PTPRT: variants seen among roughly 807,000 people sequenced by gnomAD.
PTPRT encodes receptor-type tyrosine-protein phosphatase T.
In PTPRT, 56 loss-of-function variants were observed where a neutral mutation model predicts 176.8. That is an observed-to-expected ratio of 0.32 (90% CI 0.26 to 0.40). The LOEUF (loss-of-function observed/expected upper bound fraction) is 0.40. PTPRT is among the 10% of genes least tolerant of loss of function. The pLI is 1.00. For missense variants in PTPRT, 1,540 were observed against 1,908.2 expected, an observed-to-expected ratio of 0.81 and a Z score of 3.60; for synonymous variants, 783 against 739.0, an observed-to-expected ratio of 1.06 and a Z score of -0.96.
chr20:42,806,083 A>AC (rs1381134121), intron 2 of PTPRT, among the ~76,000 whole-genome samples: 3 of 150,546 alleles, frequency 2.0e-5, no homozygotes, highest in Non-Finnish European at 4.4e-5. Context: ...CTGGAGCCAC[A>AC]CCCCTGCAGT....
At chr20:43,042,452 C>T (rs1365290377) in intron 1 of PTPRT, among the ~76,000 whole-genome samples, 2 of 152,088 alleles carry the variant, frequency 1.3e-5, no homozygotes, top group Non-Finnish European at 2.9e-5. Context: ...AAATGGGCTC[C>T]TGGGGATAGC....
intron 7 of PTPRT, among the ~76,000 whole-genome samples, chr20:42,507,019 C>T (rs970457485): frequency 6.6e-6 from 1 of 152,116 alleles, no homozygotes; most frequent in African/African-American, 2.4e-5. Context: ...CAAATCTCAG[C>T]TCCCAGGTCC....
chr20:42,090,622 A>G (rs1028238819), intron 27 of PTPRT, among the ~76,000 whole-genome samples: 1 of 152,204 alleles, frequency 6.6e-6, no homozygotes, highest in Non-Finnish European at 1.5e-5. Flanking sequence ...TCACATAGAC[A>G]TGGAACAGAG....
At chr20:42,999,583 C>A (rs866700444) in intron 1 of PTPRT, among the ~76,000 whole-genome samples, 1 of 149,834 alleles carries the variant, frequency 6.7e-6, no homozygotes, top group Non-Finnish European at 1.5e-5. Flanking sequence ...TGGTGAGACC[C>A]AGTCTCTAAA....
At chr20:42,806,714 C>CTG (rs2077615163) in intron 2 of PTPRT, among the ~76,000 whole-genome samples, 1 of 152,108 alleles carries the variant, frequency 6.6e-6, no homozygotes, top group South Asian at 2.1e-4. Flanking sequence ...ATGGATGAGG[C>CTG]TGTGTTCCAA....
intron 2 of PTPRT, among the ~76,000 whole-genome samples, chr20:42,841,595 G>A (rs1274967510): frequency 7.1e-6 from 1 of 140,866 alleles, no homozygotes; most frequent in Non-Finnish European, 1.5e-5. Context: ...ACAGCCAAAT[G>A]AATTTAGTGT....
At chr20:42,741,505 C>T (rs142963073) in intron 6 of PTPRT, among the ~76,000 whole-genome samples, 2,350 of 152,156 alleles carry the variant, frequency 0.015, 29 homozygotes, top group South Asian at 0.023. Flanking sequence ...CCACCACACC[C>T]GGCTAATTTC....
In PTPRT at chr20:42,496,066, G is replaced by A. The variant is rs1342318955; in HGVS notation, c.1154-23504C>T. ...TAAGCTAGAGAAAAAAATATTATTA[G>A]GGAAATCATAAAGAGGAGAAAATCT... On this transcript the variant is annotated intron_variant, in intron 7 of 30. Coordinates refer to ENST00000373187, the MANE Select transcript of PTPRT (RefSeq NM_007050.6). Among the ~76,000 whole-genome samples, 3 of 152,180 alleles carry A rather than the reference G, an allele frequency of 2.0e-5. No homozygotes were observed. The East Asian group carries it at 5.8e-4, about 29-fold the overall frequency.
intron 11 of PTPRT, among the ~76,000 whole-genome samples, chr20:42,319,509 C>G (rs1006591244): frequency 2.0e-5 from 3 of 152,168 alleles, no homozygotes; most frequent in African/African-American, 7.2e-5. Context: ...CAGGCCCATG[C>G]ATTCACAGCC....
intron 1 of PTPRT, among the ~76,000 whole-genome samples, chr20:42,916,356 G>A (rs1390188977): frequency 2.0e-5 from 3 of 152,082 alleles, no homozygotes; most frequent in Admixed American, 1.3e-4. Flanking sequence ...TCTTAATCCA[G>A]TCTATCGTTC....
intron 3 of PTPRT, among the ~76,000 whole-genome samples, chr20:42,788,390 T>G (rs2077323508): frequency 6.6e-6 from 1 of 152,102 alleles, no homozygotes; most frequent in South Asian, 2.1e-4. Flanking sequence ...TACTCTCTCT[T>G]TTTCTCTTTT....
At chr20:42,168,175 AG>A (rs1989912739) in intron 16 of PTPRT, among the ~76,000 whole-genome samples, 1 of 152,048 alleles carries the variant, frequency 6.6e-6, no homozygotes, top group African/African-American at 2.4e-5. Flanking sequence ...GAGGAGGAGG[AG>A]GAGGAGGAGG....
At chr20:42,806,149 T>C (rs1357720531) in intron 2 of PTPRT, among the ~76,000 whole-genome samples, 1 of 151,956 alleles carries the variant, frequency 6.6e-6, no homozygotes, top group Non-Finnish European at 1.5e-5. Flanking sequence ...TACATAGATT[T>C]TTCTCTGTCT....
At chr20:42,319,262 CT>C (rs11483379) in intron 11 of PTPRT, among the ~76,000 whole-genome samples, 44,824 of 142,494 alleles carry the variant, frequency 0.31, 6,871 homozygotes, top group African/African-American at 0.4. Context: ...AGTATCCTTC[CT>C]TTTTTTTTTT....
intron 7 of PTPRT, among the ~76,000 whole-genome samples, chr20:42,671,167 C>G (rs1329679742): frequency 1.3e-5 from 2 of 152,172 alleles, no homozygotes; most frequent in Non-Finnish European, 2.9e-5. Context: ...GCCCTTGGTT[C>G]TCACTGTGGA....
chr20:42,647,307 T>C lies in PTPRT; in HGVS notation c.1153+30559A>G, dbSNP rs181410131. ...CTAAGACACAGGGGAGGATGCCAGG[T>C]TCACCTCTAAATCTCCAGTCTCCAC... On this transcript the variant is annotated intron_variant, in intron 7 of 30. Coordinates refer to ENST00000373187, the MANE Select transcript of PTPRT (RefSeq NM_007050.6). Among the ~76,000 whole-genome samples, 144 of 152,108 alleles carry C rather than the reference T, an allele frequency of 9.5e-4. 2 individuals are homozygous for C. The East Asian group carries it at 0.023, about 25-fold the overall frequency.
chr20:42,435,838 G>A (rs898663522), intron 9 of PTPRT, among the ~76,000 whole-genome samples: 1 of 152,142 alleles, frequency 6.6e-6, no homozygotes, highest in African/African-American at 2.4e-5. Flanking sequence ...ACAAGTATGA[G>A]GAGGAGGAAT....
chr20:42,341,972 G>C (rs1248669932), intron 11 of PTPRT, among the ~76,000 whole-genome samples: 2 of 152,186 alleles, frequency 1.3e-5, no homozygotes, highest in East Asian at 3.9e-4. Context: ...TTGGTAAGCT[G>C]AGTTGTTGGT....
rs570166490 is a variant in PTPRT at position 42,693,876 on chromosome 20, A to G, written c.860-15717T>C. 2.3e-4 allele frequency among the ~76,000 whole-genome samples: 35 copies of G among 151,888 alleles called. 1 individual carries two copies. In the South Asian group the frequency reaches 6.7e-3, roughly 29 times the overall value. On this transcript the variant is annotated intron_variant, in intron 6 of 30. Coordinates refer to ENST00000373187, the MANE Select transcript of PTPRT (RefSeq NM_007050.6). ...TAGAACCACAACCACCTCCCTCCCC[A>G]CTTCCCCACCTCATCATTCATCCCT...
Sources: allele counts gnomAD v4.1 joint callset (sites outside exome capture counted in the v4.1 genomes callset), GRCh38; gene constraint gnomAD v4.1.1; transcripts MANE v1.5; gene names NCBI Gene and HGNC (gene_info 2026-07-23, HGNC 2026-07-21).